TMEM212: variants seen among roughly 807,000 people sequenced by gnomAD.
TMEM212 encodes transmembrane protein 212.
TMEM212 carries 23 observed loss-of-function variants against 20.5 expected under a neutral mutation model. The observed-to-expected ratio is 1.12, with a 90% CI of 0.81 to 1.59. TMEM212 has a LOEUF of 1.59. TMEM212 is among the 40% of genes most tolerant of loss of function. TMEM212 has a pLI of 0.00. For synonymous variants in TMEM212, 76 were observed against 81.6 expected (o/e 0.93, Z 0.37); for missense variants, 211 against 215.0 (o/e 0.98, Z 0.12).
intron 1 of TMEM212, among the ~76,000 whole-genome samples, chr3:171,848,516 A>C (rs1463238818): frequency 6.8e-6 from 1 of 147,846 alleles, no homozygotes; most frequent in Non-Finnish European, 1.5e-5. Context: ...TTAGTGAATT[A>C]TAAAATCAAT....
At chr3:171,857,650 T>C (rs1486424762) in intron 4 of TMEM212, among the ~76,000 whole-genome samples, 4 of 152,148 alleles carry the variant, frequency 2.6e-5, no homozygotes, top group African/African-American at 9.7e-5. Context: ...AAGGGATTAA[T>C]ATCCAAAATA....
At chr3:171,844,659 TCA>T (rs1724793120) in intron 1 of TMEM212, among the ~76,000 whole-genome samples, 1 of 151,948 alleles carries the variant, frequency 6.6e-6, no homozygotes, top group African/African-American at 2.4e-5. Context: ...TGAGCCGAGA[TCA>T]TACCACTGCA....
chr3:171,847,594 A>G (rs1724866067), intron 1 of TMEM212, among the ~76,000 whole-genome samples: 1 of 152,232 alleles, frequency 6.6e-6, no homozygotes, highest in Non-Finnish European at 1.5e-5. Flanking sequence ...AGACATCAAT[A>G]TAGAACAAGG....
intron 1 of TMEM212, among the ~76,000 whole-genome samples, chr3:171,851,770 T>A (rs541231266): frequency 6.6e-6 from 1 of 152,260 alleles, no homozygotes; most frequent in African/African-American, 2.4e-5. Flanking sequence ...AATGAACTTG[T>A]ATGAATCATG....
intron 1 of TMEM212, among the ~76,000 whole-genome samples, chr3:171,850,535 G>T (rs1368181387): frequency 5.3e-5 from 8 of 152,220 alleles, no homozygotes; most frequent in Non-Finnish European, 2.9e-5. Context: ...TCTGGCTTCA[G>T]TGTTTCTCTC....
At chr3:171,845,882 T>A (rs2108378020) in intron 1 of TMEM212, among the ~76,000 whole-genome samples, 1 of 152,176 alleles carries the variant, frequency 6.6e-6, no homozygotes, top group East Asian at 1.9e-4. Context: ...AGGAACACAA[T>A]TTAAACAAAG....
rs569962274 is a variant in TMEM212, at chr3:171,858,323, A to G, written c.*266A>G. Reference sequence around the variant, plus strand: ...CCTGACAAAAACAAGAAATGGGGAAAGGATTCCCTTTTTAATAAATGGTGC... The same window carrying G: ...CCTGACAAAAACAAGAAATGGGGAAGGGATTCCCTTTTTAATAAATGGTGC... On this transcript the variant is annotated 3_prime_UTR_variant, in exon 5 of 5. Coordinates refer to ENST00000334567, the MANE Select transcript of TMEM212 (RefSeq NM_001164436.2). 6 of 152,334 alleles carry G rather than the reference A, an allele frequency of 3.9e-5. No homozygotes were observed. Among genetic ancestry groups the G allele is most frequent in the African/African-American group, 1.4e-4 (6 of 41,526 alleles). The allele number at this position is 152,334 out of a possible 1,614,324, so 9.4% of individuals were successfully genotyped here.
rs116658164 is a variant in TMEM212 at position 171,854,577 on chromosome 3, C to T, written c.543+727C>T. Among the ~76,000 whole-genome samples, 702 of 152,238 alleles carry T rather than the reference C, an allele frequency of 4.6e-3. 6 individuals are homozygous for T. Among genetic ancestry groups the T allele is most frequent in the African/African-American group, 0.016 (658 of 41,546 alleles). On this transcript the variant is annotated intron_variant, in intron 3 of 4. Transcript: ENST00000334567. ...GTTAAAATGTCCATTCTACTCAAAG[C>T]GATCTATAGACTCAGGGCAATTCCT...
chr3:171,850,945 A>G (rs1387171769), intron 1 of TMEM212, among the ~76,000 whole-genome samples: 2 of 152,204 alleles, frequency 1.3e-5, no homozygotes, highest in Non-Finnish European at 2.9e-5. Flanking sequence ...TCTCAAAACA[A>G]TAAATATGCC....
chr3:171,847,714 G>A (rs1417671049), intron 1 of TMEM212, among the ~76,000 whole-genome samples: 1 of 152,072 alleles, frequency 6.6e-6, no homozygotes, highest in Non-Finnish European at 1.5e-5. Context: ...AGGGGCAAGG[G>A]GGATTCTGGC....
intron 1 of TMEM212, among the ~76,000 whole-genome samples, chr3:171,849,433 T>C (rs1724921007): frequency 6.6e-6 from 1 of 152,216 alleles, no homozygotes; most frequent in East Asian, 1.9e-4. Flanking sequence ...TATTTGGGGA[T>C]CTTGTTCATC....
chr3:171,847,224 G>T (rs1724852990), intron 1 of TMEM212, among the ~76,000 whole-genome samples: 1 of 152,234 alleles, frequency 6.6e-6, no homozygotes, highest in South Asian at 2.1e-4. Context: ...ATGGCTTGTA[G>T]ATCAAGTTCT....
intron 1 of TMEM212, among the ~76,000 whole-genome samples, chr3:171,848,601 A>ATAGAATAGAATAGAATAGAATAGAG (rs1724893487): frequency 2.0e-5 from 3 of 152,044 alleles, no homozygotes; most frequent in Non-Finnish European, 4.4e-5. Context: ...ATAGAATAGA[A>ATAGAATAGAATAGAATAGAATAGAG]TAGAATAGAA....
intron 1 of TMEM212, among the ~76,000 whole-genome samples, chr3:171,847,038 C>T (rs1294944438): frequency 6.6e-6 from 1 of 152,226 alleles, no homozygotes; most frequent in Non-Finnish European, 1.5e-5. Flanking sequence ...TCAAGACTCT[C>T]TAAGTACTTC....
chr3:171,851,990 A>C lies in TMEM212; in HGVS notation c.168A>C (p.Thr56=). ...CCATTTTCTTGTCACAGGCCATCAC[A>C]ACTGGTGTGCTTCTACTGTTGGCTT... ...CPIWNGALAI[T]TGVLLLLAYR... is the part of the protein sequence containing the mutation. Residue 56 remains threonine (T), a synonymous_variant, in exon 2 of 5, where the codon ACA becomes ACC. Transcript: ENST00000334567. The C allele has an allele frequency of 6.5e-6, 10 of 1,537,054 alleles. No homozygotes were observed. Among genetic ancestry groups the C allele is most frequent in the Non-Finnish European group, 8.7e-6 (10 of 1,146,734 alleles).
Position 171,853,656 on chromosome 3 carries a change from T to A in TMEM212, c.349T>A (p.Tyr117Asn), listed in dbSNP as rs771259507. ...YSFSGIAGTN[Y>N]LGYAVTFPYP... ...ATTTTCAGGGATTGCAGGGACTAAT[T>A]ACCTTGGCTATGCAGTTACCTTTCC... Residue 117 changes from tyrosine to asparagine, a missense_variant, in exon 3 of 5, where the codon TAC becomes AAC. Tyr to Asn is a moderately radical substitution (Grantham distance 143). Transcript: ENST00000334567. 6 of 1,537,392 alleles carry A rather than the reference T, an allele frequency of 3.9e-6. No individual in the cohort carries two copies. The African/African-American group carries it at 8.2e-5, about 21-fold the overall frequency.
intron 3 of TMEM212, among the ~76,000 whole-genome samples, chr3:171,854,499 A>G (rs1725065816): frequency 6.6e-6 from 1 of 152,240 alleles, no homozygotes; most frequent in Non-Finnish European, 1.5e-5. Flanking sequence ...GAAATTGAAC[A>G]CACAAATAAA....
In TMEM212 at chr3:171,850,217, G is replaced by A. The variant is rs574205302; in HGVS notation, c.160-1765G>A. ...TGGCGGGGAGCACCAATAAAGATGG[G>A]TGCGCTAACCTCTTGAGCTGCCTTT... On this transcript the variant is annotated intron_variant, in intron 1 of 4. Transcript: ENST00000334567. 3.9e-5 allele frequency among the ~76,000 whole-genome samples: 6 copies of A among 152,270 alleles called. No homozygotes were observed. The South Asian group carries it at 1.0e-3, about 26-fold the overall frequency.
intron 1 of TMEM212, among the ~76,000 whole-genome samples, chr3:171,844,210 T>A (rs1199761697): frequency 1.3e-5 from 2 of 152,252 alleles, no homozygotes; most frequent in Non-Finnish European, 2.9e-5. Flanking sequence ...ATTGGCCTGG[T>A]CCCTTAGCTC....
Sources: allele counts gnomAD v4.1 joint callset (sites outside exome capture counted in the v4.1 genomes callset), GRCh38; gene constraint gnomAD v4.1.1; transcripts MANE v1.5; gene names NCBI Gene and HGNC (gene_info 2026-07-23, HGNC 2026-07-21).